PLA2G4A: variants seen among roughly 807,000 people sequenced by gnomAD.
PLA2G4A encodes phospholipase A2 group IVA, also known as cytosolic phospholipase A2.
A neutral mutation model predicts 81.9 loss-of-function variants in PLA2G4A; 40 were observed. The observed-to-expected ratio is 0.49, with a 90% confidence interval of 0.38 to 0.64. The LOEUF (loss-of-function observed/expected upper bound fraction) is 0.64. Ranked by LOEUF, PLA2G4A falls within the 30% of genes least tolerant of loss-of-function variation. The probability of loss-of-function intolerance (pLI) is 0.00; values close to 1 mark genes in which losing one functional copy is unlikely to be tolerated. For missense variants in PLA2G4A, 715 were observed against 905.1 expected, an observed-to-expected ratio of 0.79 and a Z score of 2.69; for synonymous variants, 302 against 296.9, an observed-to-expected ratio of 1.02 and a Z score of -0.18.
intron 10 of PLA2G4A, among the ~76,000 whole-genome samples, chr1:186,941,579 C>A (rs1656156814): frequency 6.6e-6 from 1 of 152,122 alleles, no homozygotes; most frequent in Admixed American, 6.6e-5. Flanking sequence ...TTGCACATTG[C>A]TGCTTAGAAC....
chr1:186,832,540 T>C, intron 1 of PLA2G4A, among the ~76,000 whole-genome samples: 1 of 152,188 alleles, frequency 6.6e-6, no homozygotes, highest in East Asian at 1.9e-4. Flanking sequence ...ATGTCAATAC[T>C]GGGTGCCATC....
intron 7 of PLA2G4A, among the ~76,000 whole-genome samples, chr1:186,922,677 T>C (rs1337348844): frequency 1.3e-5 from 2 of 152,162 alleles, no homozygotes; most frequent in Non-Finnish European, 2.9e-5. Flanking sequence ...CCAAGAAATG[T>C]AGCAGGACAA....
intron 7 of PLA2G4A, among the ~76,000 whole-genome samples, chr1:186,919,405 C>T (rs1558437483): frequency 6.6e-6 from 1 of 152,162 alleles, no homozygotes; most frequent in Non-Finnish European, 1.5e-5. Flanking sequence ...CAGATATGAG[C>T]TTTCTTCTTG....
chr1:186,975,081 A>G (rs751251093), intron 15 of PLA2G4A, among the ~76,000 whole-genome samples: 1 of 152,218 alleles, frequency 6.6e-6, no homozygotes, highest in Admixed American at 6.5e-5. Flanking sequence ...CTTTGCCCTC[A>G]CGCAATTGCT....
At chr1:186,936,858 T>C (rs1557882219) in intron 8 of PLA2G4A, among the ~76,000 whole-genome samples, 1 of 151,934 alleles carries the variant, frequency 6.6e-6, no homozygotes, top group Non-Finnish European at 1.5e-5. Context: ...GATTTTTATA[T>C]AAATAAACCT....
At chr1:186,974,553 A>G (rs79309228) in intron 15 of PLA2G4A, among the ~76,000 whole-genome samples, 3,206 of 152,316 alleles carry the variant, frequency 0.021, 105 homozygotes, top group African/African-American at 0.073. Context: ...GGATACTGTC[A>G]AATTTTTATC....
chr1:186,961,677 G>A (rs1408137609), intron 14 of PLA2G4A, among the ~76,000 whole-genome samples: 1 of 152,002 alleles, frequency 6.6e-6, no homozygotes, highest in Admixed American at 6.6e-5. Flanking sequence ...ATGATAAGGG[G>A]CAAACCAAAC....
chr1:186,969,742 TA>T (rs1209032521), intron 15 of PLA2G4A, among the ~76,000 whole-genome samples: 1 of 72,402 alleles, frequency 1.4e-5, no homozygotes, highest in African/African-American at 4.2e-5. Flanking sequence ...AGGATTTCAT[TA>T]TTTTTTTTAT....
At chr1:186,926,282 C>A (rs1310810140) in intron 7 of PLA2G4A, among the ~76,000 whole-genome samples, 3 of 152,152 alleles carry the variant, frequency 2.0e-5, no homozygotes, top group African/African-American at 7.2e-5. Flanking sequence ...AACTTTTCTG[C>A]AACAGATGGG....
At chr1:186,914,800 G>A (rs1558432580) in intron 7 of PLA2G4A, among the ~76,000 whole-genome samples, 1 of 152,034 alleles carries the variant, frequency 6.6e-6, no homozygotes, top group Admixed American at 6.6e-5. Flanking sequence ...TAGAAATTGG[G>A]CATAAGACAA....
intron 7 of PLA2G4A, among the ~76,000 whole-genome samples, chr1:186,913,915 T>C (rs916714997): frequency 6.6e-6 from 1 of 152,146 alleles, no homozygotes; most frequent in Non-Finnish European, 1.5e-5. Context: ...GGGGTAGGGT[T>C]CAAAAGCCAA....
intron 14 of PLA2G4A, among the ~76,000 whole-genome samples, chr1:186,964,842 G>C (rs986298919): frequency 6.6e-6 from 1 of 152,062 alleles, no homozygotes; most frequent in African/African-American, 2.4e-5. Flanking sequence ...ATATTTGCTG[G>C]GTGTGTTGGC....
intron 7 of PLA2G4A, among the ~76,000 whole-genome samples, chr1:186,913,802 G>A (rs1387211763): frequency 6.6e-6 from 1 of 152,006 alleles, no homozygotes; most frequent in East Asian, 1.9e-4. Context: ...TGCAAATTAA[G>A]GGCAGGATAC....
In PLA2G4A at chr1:186,894,182, A is replaced by T. The variant is rs772911013; in HGVS notation, c.349A>T (p.Lys117Ter). ...TGTATCTTCTATGAAGGTGGGAGAAAAGAAAGAAGTTCCTTTTATTTTCAA... is the reference window on the plus strand; with the variant it reads ...TGTATCTTCTATGAAGGTGGGAGAATAGAAAGAAGTTCCTTTTATTTTCAA... ...FTVSSMKVGEKKEVPFIFNQV... is the reference protein window; with the variant it reads ...FTVSSMKVGE The change falls in exon 5 of 18, where the codon AAG becomes TAG. Residue 117 changes from lysine to a stop codon, truncating the protein, a stop_gained. Transcript: ENST00000367466. LOFTEE classifies it high-confidence loss of function. The T allele has an allele frequency of 2.1e-6, 3 of 1,419,870 alleles. No individual in the cohort carries two copies. The South Asian group carries it at 3.4e-5, about 16-fold the overall frequency. 88.0% of individuals were successfully genotyped at this position (1,419,870 alleles called of 1,614,324 possible). A position where few individuals can be genotyped will look rare whatever the true frequency, so the allele number is the denominator to read the frequency against.
At chr1:186,946,252 T>C (rs1307404867) in intron 10 of PLA2G4A, among the ~76,000 whole-genome samples, 1 of 152,138 alleles carries the variant, frequency 6.6e-6, no homozygotes, top group African/African-American at 2.4e-5. Flanking sequence ...TTTAATAAAC[T>C]GTTTGAATTG....
At chr1:186,860,503 G>T (rs1652759288) in intron 2 of PLA2G4A, among the ~76,000 whole-genome samples, 1 of 152,062 alleles carries the variant, frequency 6.6e-6, no homozygotes, top group African/African-American at 2.4e-5. Context: ...CAACAAATTG[G>T]GTGATGCCCA....
At chr1:186,984,575 C>T (rs1415169293) in intron 17 of PLA2G4A, among the ~76,000 whole-genome samples, 1 of 152,144 alleles carries the variant, frequency 6.6e-6, no homozygotes, top group African/African-American at 2.4e-5. Context: ...GTACTCATTT[C>T]TTAATTCATT....
At chr1:186,976,536 A>G (rs553200004) in intron 15 of PLA2G4A, among the ~76,000 whole-genome samples, 9 of 152,210 alleles carry the variant, frequency 5.9e-5, no homozygotes, top group Non-Finnish European at 8.8e-5. Flanking sequence ...TATTATTTAT[A>G]TCATCCACAT....
intron 3 of PLA2G4A, among the ~76,000 whole-genome samples, chr1:186,871,039 T>G (rs1176273378): frequency 1.3e-5 from 2 of 152,182 alleles, no homozygotes; most frequent in African/African-American, 4.8e-5. Flanking sequence ...AAAAGAATAC[T>G]GAGTAAAGAC....
Sources: allele counts gnomAD v4.1 joint callset (sites outside exome capture counted in the v4.1 genomes callset), GRCh38; gene constraint gnomAD v4.1.1; transcripts MANE v1.5; gene names NCBI Gene and HGNC (gene_info 2026-07-23, HGNC 2026-07-21).